TENM1: variants seen among roughly 807,000 people sequenced by gnomAD.
The protein encoded by TENM1 is teneurin-1.
TENM1 carries 35 observed loss-of-function variants against 174.8 expected under a neutral mutation model. The observed-to-expected ratio is 0.20, with a 90% CI of 0.15 to 0.27. The LOEUF (loss-of-function observed/expected upper bound fraction) is 0.27, where lower values mean the gene tolerates loss of function less well. TENM1 is among the 10% of genes least tolerant of loss of function. The pLI, the probability that TENM1 is intolerant of heterozygous loss-of-function variation, is 1.00. For synonymous variants in TENM1, 781 were observed against 798.7 expected (o/e 0.98, Z 0.37); for missense variants, 1,633 against 2,130.1 (o/e 0.77, Z 4.59).
chrX:125,179,943 T>C, the TENM1 span, among the ~76,000 whole-genome samples: 2 of 104,342 alleles, frequency 1.9e-5, no homozygotes, highest in Non-Finnish European at 3.9e-5. Flanking sequence ...GGTTTATTGG[T>C]CTTCATATTT....
chrX:124,478,403 T>C (rs773338515), intron 22 of TENM1, among the ~76,000 whole-genome samples: 3 of 112,899 alleles, frequency 2.7e-5, no homozygotes. Context: ...TCCTGACCTG[T>C]TACCTTTCGC....
intron 3 of TENM1, among the ~76,000 whole-genome samples, chrX:124,847,635 C>T (rs1337422803): frequency 9.0e-6 from 1 of 111,511 alleles, no homozygotes; most frequent in East Asian, 2.8e-4. Flanking sequence ...TATTCTCATT[C>T]AAAAGAGAAT....
chrX:124,689,736 T>C (rs1170610313), intron 5 of TENM1, among the ~76,000 whole-genome samples: 2 of 111,209 alleles, frequency 1.8e-5, no homozygotes, highest in Non-Finnish European at 3.8e-5. Flanking sequence ...AATGGATGGA[T>C]GAAACCACGG....
At chrX:125,049,821 GTTTTC>G in the TENM1 span, among the ~76,000 whole-genome samples, 3 of 110,262 alleles carry the variant, frequency 2.7e-5, no homozygotes, top group Non-Finnish European at 3.8e-5. Flanking sequence ...TCATTTGTGT[GTTTTC>G]TTTAGAGATC....
At chrX:125,047,197 T>A in the TENM1 span, among the ~76,000 whole-genome samples, 1 of 111,622 alleles carries the variant, frequency 9.0e-6, no homozygotes, top group Non-Finnish European at 1.9e-5. Flanking sequence ...TTAGCGTATA[T>A]GAGTTATTAA....
At chrX:124,600,695 G>A (rs2050007483) in intron 11 of TENM1, among the ~76,000 whole-genome samples, 1 of 111,467 alleles carries the variant, frequency 9.0e-6, no homozygotes, top group Non-Finnish European at 1.9e-5. Flanking sequence ...ATCTAAGTAT[G>A]AGGAAACATC....
chrX:124,581,205 C>T (rs1602705713), intron 11 of TENM1, among the ~76,000 whole-genome samples: 1 of 107,664 alleles, frequency 9.3e-6, no homozygotes, highest in Non-Finnish European at 1.9e-5. Flanking sequence ...GCTGGGATTA[C>T]AGGTGCGTGC....
chrX:124,527,650 CTT>C (rs996971096), intron 16 of TENM1, among the ~76,000 whole-genome samples: 14 of 92,833 alleles, frequency 1.5e-4, no homozygotes, highest in Admixed American at 2.4e-4. Context: ...TTTCTTTTTT[CTT>C]TTTTTTTTTT....
exon 12 of TENM1, chrX:124,565,503 C>G: frequency 1.7e-6 from 2 of 1,210,097 alleles, no homozygotes; most frequent in South Asian, 1.8e-5. Flanking sequence ...GCCTTCTTCA[C>G]ACTGGCAAAT....
intron 22 of TENM1, among the ~76,000 whole-genome samples, chrX:124,466,071 G>A (rs1315984722): frequency 9.0e-6 from 1 of 111,456 alleles, no homozygotes; most frequent in Non-Finnish European, 1.9e-5. Context: ...GTTGACATCA[G>A]TAAAATAAAT....
intron 14 of TENM1, among the ~76,000 whole-genome samples, chrX:124,549,157 G>A (rs2048500939): frequency 9.0e-6 from 1 of 111,507 alleles, no homozygotes; most frequent in Non-Finnish European, 1.9e-5. Flanking sequence ...CCTCCAATAC[G>A]CTGTTCTCAG....
chrX:125,007,095 T>C, the TENM1 span, among the ~76,000 whole-genome samples: 1 of 111,438 alleles, frequency 9.0e-6, no homozygotes, highest in Non-Finnish European at 1.9e-5. Context: ...TAAAGGAGAA[T>C]GTTCTAACCC....
chrX:124,746,360 C>T (rs2053919953), intron 3 of TENM1, among the ~76,000 whole-genome samples: 1 of 111,389 alleles, frequency 9.0e-6, no homozygotes, highest in African/African-American at 3.3e-5. Flanking sequence ...TTCATTATTA[C>T]AAATTTTCAT....
At chrX:124,496,267 C>T (rs1324830721) in intron 20 of TENM1, among the ~76,000 whole-genome samples, 1 of 111,374 alleles carries the variant, frequency 9.0e-6, no homozygotes, top group African/African-American at 3.3e-5. Flanking sequence ...CATAAAAACC[C>T]TAGAAGCTTC....
chrX:124,737,845 AG>A (rs1227782166), intron 3 of TENM1, among the ~76,000 whole-genome samples: 2 of 112,398 alleles, frequency 1.8e-5, no homozygotes, highest in East Asian at 5.6e-4. Context: ...GGTCATGCAA[AG>A]CACAGTCTGC....
At chrX:124,831,224 C>G (rs1467699698) in intron 3 of TENM1, among the ~76,000 whole-genome samples, 1 of 110,961 alleles carries the variant, frequency 9.0e-6, no homozygotes, top group South Asian at 3.8e-4. Context: ...TAAGAGCTTC[C>G]TAGGCATCCT....
chrX:124,819,394 A>G (rs2055982695), intron 3 of TENM1, among the ~76,000 whole-genome samples: 1 of 111,538 alleles, frequency 9.0e-6, no homozygotes, highest in Non-Finnish European at 1.9e-5. Flanking sequence ...GTCCTCATTG[A>G]TTAAATGAGA....
chrX:124,727,134 A>G lies in TENM1; in HGVS notation c.776+9823T>C, dbSNP rs1280890405. On this transcript the variant is annotated intron_variant, in intron 4 of 31. Coordinates refer to ENST00000422452, the Ensembl canonical transcript of TENM1. ...ATCTGTCAGAATATGCTAAAAATCA[A>G]TGAAGATGGTTACTTGCACTCTCCT... Among the ~76,000 whole-genome samples, 3 of 112,281 alleles carry G rather than the reference A, an allele frequency of 2.7e-5. No individual in the cohort carries two copies. In the South Asian group the frequency reaches 1.1e-3, roughly 41 times the overall value.
At chrX:124,393,157 G>A (rs943757566) in intron 27 of TENM1, among the ~76,000 whole-genome samples, 4 of 110,827 alleles carry the variant, frequency 3.6e-5, no homozygotes, top group Non-Finnish European at 7.6e-5. Context: ...ATCTTGAACT[G>A]GATTCCATGA....
Sources: gnomAD v4.1 joint callset for allele counts (sites outside exome capture counted in the v4.1 genomes callset) on GRCh38, gnomAD v4.1.1 for gene constraint, MANE v1.5 for transcripts, NCBI Gene and HGNC (gene_info 2026-07-23, HGNC 2026-07-21) for gene names.